Variants in CDK14 observed in about 807,000 individuals in gnomAD.
The protein encoded by CDK14 is cyclin dependent kinase 14.
Under a neutral mutation model 60.7 loss-of-function variants are expected in CDK14, and 34 were observed. The observed-to-expected ratio is 0.56, with a 90% CI of 0.43 to 0.75. The LOEUF is 0.75. Ranked by LOEUF, CDK14 falls within the 30% of genes least tolerant of loss-of-function variation. CDK14 has a pLI of 0.00. For synonymous variants in CDK14, 197 were observed against 203.7 expected, an observed-to-expected ratio of 0.97 and a Z score of 0.28; for missense variants, 482 against 564.1, an observed-to-expected ratio of 0.85 and a Z score of 1.47.
intron 2 of CDK14, among the ~76,000 whole-genome samples, chr7:90,620,773 A>G (rs1008115395): frequency 6.6e-6 from 1 of 152,172 alleles, no homozygotes; most frequent in Non-Finnish European, 1.5e-5. Flanking sequence ...TGTGGGCACA[A>G]GCTGAGGGGC....
chr7:90,812,627 AAAAG>A (rs1420199812), intron 5 of CDK14, among the ~76,000 whole-genome samples: 1 of 152,188 alleles, frequency 6.6e-6, no homozygotes, highest in East Asian at 1.9e-4. Context: ...TAATAATAAA[AAAAG>A]AAATATATGA....
At chr7:90,979,472 G>C (rs547264193) in intron 9 of CDK14, 9 of 152,162 alleles carry the variant, frequency 5.9e-5, no homozygotes, top group Non-Finnish European at 1.3e-4. Flanking sequence ...CCTACACTCT[G>C]AGGTAAGCAT....
chr7:90,633,315 A>G (rs1489800033), intron 2 of CDK14, among the ~76,000 whole-genome samples: 1 of 152,200 alleles, frequency 6.6e-6, no homozygotes. Context: ...TGCTTCCATG[A>G]TAAAAGTGAG....
chr7:91,029,612 C>T (rs949275830), intron 10 of CDK14, among the ~76,000 whole-genome samples: 37 of 88,520 alleles, frequency 4.2e-4, no homozygotes, highest in African/African-American at 1.2e-3. Context: ...TCCTCTCCTC[C>T]GCTCCCCACT....
intron 5 of CDK14, among the ~76,000 whole-genome samples, chr7:90,817,458 T>C (rs1789394186): frequency 6.6e-6 from 1 of 152,204 alleles, no homozygotes; most frequent in Non-Finnish European, 1.5e-5. Flanking sequence ...TGTCCTAAAG[T>C]TTCAGACTGG....
intron 2 of CDK14, among the ~76,000 whole-genome samples, chr7:90,724,061 C>T (rs1052701751): frequency 6.6e-6 from 1 of 151,984 alleles, no homozygotes; most frequent in African/African-American, 2.4e-5. Context: ...GCCACCTGGC[C>T]CTGGCATTAT....
intron 2 of CDK14, among the ~76,000 whole-genome samples, chr7:90,694,843 C>G (rs1801623443): frequency 6.6e-6 from 1 of 152,174 alleles, no homozygotes; most frequent in Non-Finnish European, 1.5e-5. Context: ...GAGCAAGAAA[C>G]TATGAATGCC....
intron 13 of CDK14, among the ~76,000 whole-genome samples, chr7:91,114,469 T>A (rs573788803): frequency 1.3e-5 from 2 of 152,304 alleles, no homozygotes; most frequent in South Asian, 2.1e-4. Context: ...GTGGTATTTT[T>A]AATATGAGAA....
chr7:91,013,656 G>GTTTTTTTTTT (rs56934476), intron 10 of CDK14, among the ~76,000 whole-genome samples: 495 of 123,224 alleles, frequency 4.0e-3, no homozygotes, highest in Non-Finnish European at 5.5e-3. Flanking sequence ...CATTGCCTCT[G>GTTTTTTTTTT]TTTTTTTTTT....
intron 5 of CDK14, among the ~76,000 whole-genome samples, chr7:90,845,497 C>CT (rs578062652): frequency 0.014 from 1,926 of 138,318 alleles, 26 homozygotes; most frequent in African/African-American, 0.04. Context: ...TTTTGGTTTT[C>CT]TTTTTTTTTT....
chr7:90,897,675 G>A (rs986762924), intron 6 of CDK14, among the ~76,000 whole-genome samples: 112 of 152,076 alleles, frequency 7.4e-4, no homozygotes, highest in African/African-American at 2.5e-3. Flanking sequence ...TTACAAAATG[G>A]CAGTTTGGGG....
chr7:90,886,078 A>C (rs1478250665), intron 6 of CDK14, among the ~76,000 whole-genome samples: 1 of 152,210 alleles, frequency 6.6e-6, no homozygotes, highest in East Asian at 1.9e-4. Flanking sequence ...AATTCTTAAA[A>C]CAAATTCCAT....
At chr7:90,609,908 T>G (rs1285751157) in intron 2 of CDK14, among the ~76,000 whole-genome samples, 1 of 152,226 alleles carries the variant, frequency 6.6e-6, no homozygotes, top group Non-Finnish European at 1.5e-5. Flanking sequence ...TACGCTGTCA[T>G]ACAACATTCT....
At chr7:90,688,390 A>C (rs1858762) in intron 2 of CDK14, among the ~76,000 whole-genome samples, 5 of 151,916 alleles carry the variant, frequency 3.3e-5, no homozygotes, top group Admixed American at 3.3e-4. Context: ...AAGAAACTTA[A>C]CTTGATGATT....
In CDK14 at chr7:90,938,416, C is replaced by T. The variant is rs149221701; in HGVS notation, c.827-17281C>T. ...CATGTGGCCTTTCTCACAGGCATCT[C>T]TTCCCTCCTTAAAAGTCCAACTTGC... On this transcript the variant is annotated intron_variant, in intron 8 of 14. Transcript: ENST00000380050. Among the ~76,000 whole-genome samples the T allele has an allele frequency of 8.5e-5, 13 of 152,326 alleles. No individual in the cohort carries two copies. In the East Asian group the frequency reaches 2.5e-3, roughly 29 times the overall value.
rs554889256 is a variant in CDK14, at chr7:90,898,702, G to T, written c.640-589G>T. Among the ~76,000 whole-genome samples, 4 of 152,006 alleles carry T rather than the reference G, an allele frequency of 2.6e-5. No individual in the cohort carries two copies. In the East Asian group the frequency reaches 7.7e-4, roughly 29 times the overall value. ...TAACAGCATGAGATGTTGAATATTC[G>T]TTTAAACATATCTGGATATATTTAT... On this transcript the variant is annotated intron_variant, in intron 6 of 14. Coordinates refer to ENST00000380050, the MANE Select transcript of CDK14 (RefSeq NM_001287135.2).
chr7:90,683,944 A>G (rs1181202741), intron 2 of CDK14, among the ~76,000 whole-genome samples: 1 of 151,414 alleles, frequency 6.6e-6, no homozygotes, highest in East Asian at 1.9e-4. Flanking sequence ...ATGCATTCAT[A>G]TATACATTCA....
intron 2 of CDK14, among the ~76,000 whole-genome samples, chr7:90,712,375 A>G (rs1169618640): frequency 1.3e-5 from 2 of 151,692 alleles, no homozygotes; most frequent in Non-Finnish European, 2.9e-5. Flanking sequence ...TAGGTACCTC[A>G]TAGTAGATTA....
intron 2 of CDK14, among the ~76,000 whole-genome samples, chr7:90,677,167 T>G (rs1356765314): frequency 6.6e-6 from 1 of 152,184 alleles, no homozygotes; most frequent in African/African-American, 2.4e-5. Flanking sequence ...TTACAAGTGC[T>G]TAGACAAATA....
Sources: gnomAD v4.1 joint callset for allele counts (sites outside exome capture counted in the v4.1 genomes callset) on GRCh38, gnomAD v4.1.1 for gene constraint, MANE v1.5 for transcripts, NCBI Gene and HGNC (gene_info 2026-07-23, HGNC 2026-07-21) for gene names.